Variants in TASP1 observed in about 807,000 individuals in gnomAD.
The protein encoded by TASP1 is taspase 1, also known as threonine aspartase 1.
TASP1 carries 16 observed loss-of-function variants against 56.6 expected under a neutral mutation model. That is an observed-to-expected ratio of 0.28 (90% CI 0.19 to 0.43). The LOEUF is 0.43. Among genes scored for constraint, TASP1 ranks in the 20% least tolerant of loss-of-function variants. The pLI is 1.00. For synonymous variants in TASP1, 179 were observed against 184.2 expected (o/e 0.97, Z 0.23); for missense variants, 393 against 511.6 (o/e 0.77, Z 2.24).
chr20:13,301,888 T>C, the TASP1 span, among the ~76,000 whole-genome samples: 1 of 152,292 alleles, frequency 6.6e-6, no homozygotes, highest in Non-Finnish European at 1.5e-5. Flanking sequence ...CACAAAGTAC[T>C]ATGAAGAAAT....
chr20:13,510,283 A>G (rs2044281283), intron 10 of TASP1, among the ~76,000 whole-genome samples: 1 of 152,126 alleles, frequency 6.6e-6, no homozygotes, highest in African/African-American at 2.4e-5. Flanking sequence ...TTCCACACTA[A>G]TTTTGCAAAT....
At chr20:13,231,597 C>A in the TASP1 span, among the ~76,000 whole-genome samples, 8 of 152,314 alleles carry the variant, frequency 5.3e-5, no homozygotes, top group East Asian at 1.5e-3. Flanking sequence ...TTTTTGTAAA[C>A]CGAGTAGAAG....
chr20:13,527,547 T>C (rs977955623), intron 10 of TASP1, among the ~76,000 whole-genome samples: 1 of 152,080 alleles, frequency 6.6e-6, no homozygotes, highest in Non-Finnish European at 1.5e-5. Context: ...AGTATGGAAA[T>C]AGACAACAAC....
chr20:13,236,823 G>A, the TASP1 span, among the ~76,000 whole-genome samples: 1 of 152,244 alleles, frequency 6.6e-6, no homozygotes, highest in Non-Finnish European at 1.5e-5. Context: ...ACATCAAGGT[G>A]ACACTGATGC....
the TASP1 span, among the ~76,000 whole-genome samples, chr20:13,206,850 C>A: frequency 6.6e-6 from 1 of 152,098 alleles, no homozygotes; most frequent in African/African-American, 2.4e-5. Flanking sequence ...AGGGTAAGAA[C>A]AAATGGGGTT....
chr20:13,339,837 C>T, the TASP1 span, among the ~76,000 whole-genome samples: 8 of 151,982 alleles, frequency 5.3e-5, no homozygotes, highest in Non-Finnish European at 1.5e-5. Flanking sequence ...TCCCAGCTCA[C>T]GCTCAATATG....
intron 8 of TASP1, among the ~76,000 whole-genome samples, chr20:13,545,247 G>A (rs2045765584): frequency 6.6e-6 from 1 of 152,128 alleles, no homozygotes; most frequent in Admixed American, 6.6e-5. Context: ...TGAGAGAGTA[G>A]GAAAGGAGTT....
intron 11 of TASP1, among the ~76,000 whole-genome samples, chr20:13,444,931 C>A (rs1027067069): frequency 4.6e-5 from 7 of 152,160 alleles, no homozygotes; most frequent in African/African-American, 1.7e-4. Flanking sequence ...TGGGTATCAT[C>A]ACTGTGTGCC....
chr20:13,216,746 G>A, the TASP1 span, among the ~76,000 whole-genome samples: 3 of 152,194 alleles, frequency 2.0e-5, no homozygotes, highest in East Asian at 3.9e-4. Flanking sequence ...GGTGTTCTTG[G>A]GCAAACGTAG....
At chr20:13,338,470 T>C in the TASP1 span, among the ~76,000 whole-genome samples, 1 of 152,164 alleles carries the variant, frequency 6.6e-6, no homozygotes, top group Non-Finnish European at 1.5e-5. Flanking sequence ...CCTGACCTCC[T>C]GGGAATGCAG....
the TASP1 span, among the ~76,000 whole-genome samples, chr20:13,254,519 C>G: frequency 6.6e-6 from 1 of 152,204 alleles, no homozygotes; most frequent in Non-Finnish European, 1.5e-5. Flanking sequence ...CTGCTGCTCT[C>G]TGTTGCTTTG....
chr20:13,481,181 T>C (rs1007601743), intron 11 of TASP1, among the ~76,000 whole-genome samples: 2 of 152,172 alleles, frequency 1.3e-5, no homozygotes, highest in Non-Finnish European at 2.9e-5. Context: ...TATTTGTCTT[T>C]CTGTGCCTGG....
At chr20:13,394,452 T>C (rs536768427) in intron 13 of TASP1, among the ~76,000 whole-genome samples, 1 of 150,098 alleles carries the variant, frequency 6.7e-6, no homozygotes, top group African/African-American at 2.5e-5. Flanking sequence ...CTACTAAAAA[T>C]ACAAAAAAAA....
the TASP1 span, among the ~76,000 whole-genome samples, chr20:13,307,594 G>A: frequency 3.3e-5 from 5 of 152,146 alleles, no homozygotes; most frequent in South Asian, 8.3e-4. Context: ...TCCAGTAACG[G>A]GCACTCACTC....
intron 11 of TASP1, among the ~76,000 whole-genome samples, chr20:13,452,601 T>C (rs766966339): frequency 1.2e-4 from 18 of 151,926 alleles, no homozygotes; most frequent in Non-Finnish European, 2.2e-4. Flanking sequence ...CTAGACTATC[T>C]GTTCACCACT....
At chr20:13,190,259 C>A in the TASP1 span, among the ~76,000 whole-genome samples, 1 of 152,044 alleles carries the variant, frequency 6.6e-6, no homozygotes, top group Admixed American at 6.6e-5. Flanking sequence ...ATGTAATAAA[C>A]CTGCATGTGT....
chr20:13,578,981 T>C (rs2047022684), intron 6 of TASP1, among the ~76,000 whole-genome samples: 1 of 152,088 alleles, frequency 6.6e-6, no homozygotes, highest in African/African-American at 2.4e-5. Context: ...CCATGAGGAG[T>C]GGGGTCAATG....
the TASP1 span, among the ~76,000 whole-genome samples, chr20:13,179,980 C>A: frequency 6.6e-6 from 1 of 152,152 alleles, no homozygotes; most frequent in African/African-American, 2.4e-5. Context: ...CAGCGTTGGC[C>A]ATTCTGTATT....
At chr20:13,538,877 T>C (rs1331528926) in intron 8 of TASP1, among the ~76,000 whole-genome samples, 2 of 151,928 alleles carry the variant, frequency 1.3e-5, no homozygotes, top group Non-Finnish European at 2.9e-5. Flanking sequence ...ACCCTGTCTC[T>C]ACTACAAATA....
Sources: gnomAD v4.1 joint callset for allele counts (sites outside exome capture counted in the v4.1 genomes callset) on GRCh38, gnomAD v4.1.1 for gene constraint, MANE v1.5 for transcripts, NCBI Gene and HGNC (gene_info 2026-07-23, HGNC 2026-07-21) for gene names.